ADAM23: variants seen among roughly 807,000 people sequenced by gnomAD.
ADAM23 encodes ADAM metallopeptidase domain 23, also known as disintegrin and metalloproteinase domain-containing protein 23.
In ADAM23, 33 loss-of-function variants were observed where a neutral mutation model predicts 120.1. That is an observed-to-expected ratio of 0.27 (90% CI 0.21 to 0.37). The LOEUF (loss-of-function observed/expected upper bound fraction) is 0.37, where lower values mean the gene tolerates loss of function less well. Among genes scored for constraint, ADAM23 ranks in the 10% least tolerant of loss-of-function variants. ADAM23 has a pLI of 1.00. For missense variants in ADAM23, 862 were observed against 1,058.2 expected (o/e 0.81, Z 2.57); for synonymous variants, 367 against 375.2 (o/e 0.98, Z 0.25).
Position 206,578,510 on chromosome 2 carries a change from C to T in ADAM23, c.1737+5315C>T, listed in dbSNP as rs554624562. ...ATAGTCTCCACTCTCATCCAGGTCA[C>T]TGCAAATGCTGTAAATCCATTCCTT... On this transcript the variant is annotated intron_variant, in intron 18 of 25. Coordinates refer to ENST00000264377, the MANE Select transcript of ADAM23 (RefSeq NM_003812.4). Among the ~76,000 whole-genome samples, 4 of 152,226 alleles carry T rather than the reference C, an allele frequency of 2.6e-5. No individual in the cohort carries two copies. The East Asian group carries it at 7.7e-4, about 29-fold the overall frequency.
intron 2 of ADAM23, among the ~76,000 whole-genome samples, chr2:206,448,303 A>G (rs979464116): frequency 6.6e-6 from 1 of 152,244 alleles, no homozygotes; most frequent in Non-Finnish European, 1.5e-5. Flanking sequence ...GATTCTTTAA[A>G]GACAATTTTA....
At chr2:206,573,250 C>T in intron 18 of ADAM23, 55 bp downstream of exon 18, 1 of 1,517,404 alleles carries the variant, frequency 6.6e-7, no homozygotes. Context: ...TTGAGTATTC[C>T]TTACCACAGT....
intron 4 of ADAM23, 38 bp from the exon 5 acceptor site, chr2:206,542,014 G>A: frequency 5.6e-6 from 9 of 1,597,016 alleles, no homozygotes; most frequent in Non-Finnish European, 6.9e-6. Flanking sequence ...TAATCATAAT[G>A]CATAAAATAC....
At chr2:206,467,952 A>C (rs1695575446) in intron 2 of ADAM23, among the ~76,000 whole-genome samples, 1 of 152,106 alleles carries the variant, frequency 6.6e-6, no homozygotes, top group Non-Finnish European at 1.5e-5. Context: ...CAGCAGCCTG[A>C]GCTGTACCTG....
In ADAM23 at chr2:206,617,805, T is replaced by C; in HGVS notation, c.*178T>C. 1.5e-6 allele frequency: 2 copies of C among 1,349,606 alleles called. No homozygotes were observed. The highest frequency in any genetic ancestry group is 2.7e-5 in the Admixed American group (1 of 37,104). 83.6% of individuals were successfully genotyped at this position (1,349,606 alleles called of 1,614,324 possible). ...AGAAAACTGTCTCTTTTGGAAATAATGTCAAAGAACACCTTTCACCACCTG... is the reference window on the plus strand; with the variant it reads ...AGAAAACTGTCTCTTTTGGAAATAACGTCAAAGAACACCTTTCACCACCTG... On this transcript the variant is annotated 3_prime_UTR_variant, in exon 26 of 26. Transcript: ENST00000264377.
intron 18 of ADAM23, among the ~76,000 whole-genome samples, chr2:206,580,497 C>T (rs1172321615): frequency 1.3e-5 from 2 of 152,074 alleles, no homozygotes; most frequent in African/African-American, 2.4e-5. Flanking sequence ...GTTTTTAATT[C>T]TGTTTATGTG....
At chr2:206,511,761 AT>A (rs1268721214) in intron 3 of ADAM23, among the ~76,000 whole-genome samples, 1 of 152,180 alleles carries the variant, frequency 6.6e-6, no homozygotes, top group East Asian at 1.9e-4. Flanking sequence ...AATTGGACTA[AT>A]TTCTTTCTGT....
Position 206,547,955 on chromosome 2 carries a change from G to T in ADAM23, c.794-326G>T, listed in dbSNP as rs538002067. Among the ~76,000 whole-genome samples the T allele has an allele frequency of 2.0e-5, 3 of 152,236 alleles. No individual in the cohort carries two copies. The East Asian group carries it at 5.8e-4, about 29-fold the overall frequency. ...AAAGTCTTTAATAATTTATGCAAAA[G>T]CTAATGCCATACATTATTTTGAATG... On this transcript the variant is annotated intron_variant, in intron 7 of 25. Transcript: ENST00000264377.
chr2:206,545,398 A>G (rs1697376049), intron 6 of ADAM23, among the ~76,000 whole-genome samples: 1 of 152,110 alleles, frequency 6.6e-6, no homozygotes. Flanking sequence ...AGGCAGAAGA[A>G]TCGCTTGAAC....
chr2:206,577,543 G>T (rs1269377963), intron 18 of ADAM23, among the ~76,000 whole-genome samples: 1 of 138,862 alleles, frequency 7.2e-6, no homozygotes, highest in Non-Finnish European at 1.5e-5. Flanking sequence ...ATAGTTTACT[G>T]AGAATGATGA....
chr2:206,601,190 A>C (rs775310973), intron 24 of ADAM23, among the ~76,000 whole-genome samples: 9 of 152,220 alleles, frequency 5.9e-5, no homozygotes, highest in Non-Finnish European at 1.2e-4. Flanking sequence ...TTACATCACC[A>C]TTGTAAGAAG....
chr2:206,609,886 T>C, intron 24 of ADAM23, 24 bp from the exon 25 acceptor site: 1 of 1,585,128 alleles, frequency 6.3e-7, no homozygotes, highest in Non-Finnish European at 8.6e-7. Flanking sequence ...CATATGACTC[T>C]CTTCCCATGA....
intron 3 of ADAM23, among the ~76,000 whole-genome samples, chr2:206,486,836 A>G (rs1272272805): frequency 4.6e-5 from 7 of 152,266 alleles, no homozygotes; most frequent in Admixed American, 4.6e-4. Flanking sequence ...CTAATTCTAG[A>G]ACGTTTTCAT....
Position 206,615,403 on chromosome 2 carries a change from A to G in ADAM23, c.2451-2176A>G, listed in dbSNP as rs140965238. 2.2e-3 allele frequency among the ~76,000 whole-genome samples: 338 copies of G among 152,374 alleles called. 2 individuals are homozygous for G. Among genetic ancestry groups the G allele is most frequent in the African/African-American group, 7.7e-3 (320 of 41,592 alleles). On this transcript the variant is annotated intron_variant, in intron 25 of 25. Transcript: ENST00000264377. The stretch of plus-strand genomic sequence containing the variant: ...AAGTCAGCAAGGACCTGCCCGCAGT[A>G]GTTGTACTTTCACATTAAAATTGAA...
At chr2:206,564,134 C>T (rs1697828650) in intron 13 of ADAM23, among the ~76,000 whole-genome samples, 2 of 151,622 alleles carry the variant, frequency 1.3e-5, no homozygotes, top group African/African-American at 4.8e-5. Flanking sequence ...TTGCATATAC[C>T]TCTCTCTCTC....
At chr2:206,483,331 GC>G (rs1695936359) in intron 3 of ADAM23, among the ~76,000 whole-genome samples, 1 of 152,138 alleles carries the variant, frequency 6.6e-6, no homozygotes, top group Admixed American at 6.5e-5. Flanking sequence ...AGAGAATGTG[GC>G]ATCAGAAGAG....
chr2:206,569,576 A>G (rs552393769), intron 15 of ADAM23, among the ~76,000 whole-genome samples: 2 of 152,196 alleles, frequency 1.3e-5, no homozygotes, highest in African/African-American at 4.8e-5. Flanking sequence ...GGAGATAGTG[A>G]CCCGTCTCAG....
chr2:206,467,647 A>G (rs935307263), intron 2 of ADAM23, among the ~76,000 whole-genome samples: 6 of 152,108 alleles, frequency 3.9e-5, no homozygotes, highest in Admixed American at 1.3e-4. Context: ...TGGTGGATGT[A>G]CCATTTTGAG....
At chr2:206,539,965 T>C (rs1445056045) in intron 4 of ADAM23, among the ~76,000 whole-genome samples, 1 of 152,222 alleles carries the variant, frequency 6.6e-6, no homozygotes, top group Admixed American at 6.5e-5. Flanking sequence ...AACTTTCTTA[T>C]GATGATAAAC....
Sources: allele counts gnomAD v4.1 joint callset (sites outside exome capture counted in the v4.1 genomes callset), GRCh38; gene constraint gnomAD v4.1.1; transcripts MANE v1.5; gene names NCBI Gene and HGNC (gene_info 2026-07-23, HGNC 2026-07-21).